SLCO3A1: variants seen among roughly 807,000 people sequenced by gnomAD.
SLCO3A1 encodes solute carrier organic anion transporter family member 3A1.
SLCO3A1 carries 27 observed loss-of-function variants against 63.1 expected under a neutral mutation model. The ratio of observed to expected loss-of-function variants is 0.43; its 90% confidence interval spans 0.32 to 0.59. SLCO3A1 has a LOEUF of 0.59. Among genes scored for constraint, SLCO3A1 ranks in the 20% least tolerant of loss-of-function variants. SLCO3A1 has a pLI of 0.09. For synonymous variants in SLCO3A1, 473 were observed against 409.9 expected, an observed-to-expected ratio of 1.15 and a Z score of -1.86; for missense variants, 773 against 945.8, an observed-to-expected ratio of 0.82 and a Z score of 2.40.
chr15:91,938,150 C>T (rs964570082), intron 2 of SLCO3A1, among the ~76,000 whole-genome samples: 1 of 152,268 alleles, frequency 6.6e-6, no homozygotes, highest in Middle Eastern at 3.4e-3. Flanking sequence ...TGCCAGTGAC[C>T]CTGCACAAGC....
intron 2 of SLCO3A1, among the ~76,000 whole-genome samples, chr15:92,051,938 G>A (rs2046962941): frequency 6.6e-6 from 1 of 152,166 alleles, no homozygotes; most frequent in Non-Finnish European, 1.5e-5. Context: ...TTGGGCAGAT[G>A]TACTGGGGAG....
At chr15:92,128,998 G>C (rs1216346394) in intron 7 of SLCO3A1, among the ~76,000 whole-genome samples, 1 of 152,194 alleles carries the variant, frequency 6.6e-6, no homozygotes, top group Non-Finnish European at 1.5e-5. Flanking sequence ...GAGGTGGGTT[G>C]CTTTTTCCTG....
chr15:92,014,926 G>A (rs565967219), intron 2 of SLCO3A1, among the ~76,000 whole-genome samples: 1 of 152,276 alleles, frequency 6.6e-6, no homozygotes, highest in African/African-American at 2.4e-5. Context: ...CTAGCTGTGA[G>A]TGTAAGTCCT....
At chr15:91,958,188 CTGTT>C (rs1900309284) in intron 2 of SLCO3A1, among the ~76,000 whole-genome samples, 2 of 152,118 alleles carry the variant, frequency 1.3e-5, no homozygotes, top group Non-Finnish European at 2.9e-5. Flanking sequence ...TATTAATTGA[CTGTT>C]TATGTTATTG....
chr15:92,165,534 T>A lies in SLCO3A1; in HGVS notation c.*2399T>A. On this transcript the variant is annotated 3_prime_UTR_variant, in exon 10 of 10. Coordinates refer to ENST00000318445, the MANE Select transcript of SLCO3A1 (RefSeq NM_013272.4). Reference sequence around the variant, plus strand: ...AAAAAAGAAAGTTTTTTAAACTCTTTGCATTTTGGATTTTTTTTCCTAAGA... The same window carrying A: ...AAAAAAGAAAGTTTTTTAAACTCTTAGCATTTTGGATTTTTTTTCCTAAGA... The A allele has an allele frequency of 1.0e-6, 1 of 984,674 alleles. No homozygotes were observed. The highest frequency in any genetic ancestry group is 1.2e-6 in the Non-Finnish European group (1 of 829,276). The allele number at this position is 984,674 out of a possible 1,614,324, so 61.0% of individuals were successfully genotyped here. A position where few individuals can be genotyped will look rare whatever the true frequency, so the allele number is the denominator to read the frequency against.
intron 7 of SLCO3A1, among the ~76,000 whole-genome samples, chr15:92,136,671 A>G (rs2048061054): frequency 1.3e-5 from 2 of 152,222 alleles, no homozygotes; most frequent in South Asian, 2.1e-4. Context: ...ATACATTTAT[A>G]TGATTCAAAA....
At chr15:91,893,934 C>T (rs1383886996) in intron 1 of SLCO3A1, among the ~76,000 whole-genome samples, 1 of 152,186 alleles carries the variant, frequency 6.6e-6, no homozygotes, top group Non-Finnish European at 1.5e-5. Context: ...GAACAGGACA[C>T]TTCTGGACAA....
chr15:92,016,473 A>G (rs1279159878), intron 2 of SLCO3A1, among the ~76,000 whole-genome samples: 1 of 152,118 alleles, frequency 6.6e-6, no homozygotes, highest in Non-Finnish European at 1.5e-5. Flanking sequence ...TTTGAAGGCT[A>G]AAGGAAGGAA....
rs1896915482 is a variant in SLCO3A1 at position 91,856,174 on chromosome 15, G to A, written c.180+2086G>A. Among the ~76,000 whole-genome samples, 1 of 151,990 alleles carries A rather than the reference G, an allele frequency of 6.6e-6. No individual in the cohort carries two copies. On this transcript the variant is annotated intron_variant, in intron 1 of 9. Transcript: ENST00000318445. This position sits in a 1 kb window ranked among gnomAD's most constrained non-coding sequence, Gnocchi z 4.9. ...GAGGAATTCGGTCCACCTGGTGGCGGCATCCTGGCACTTCTAGCCTTCGCT... is the reference window on the plus strand; with the variant it reads ...GAGGAATTCGGTCCACCTGGTGGCGACATCCTGGCACTTCTAGCCTTCGCT...
intron 2 of SLCO3A1, among the ~76,000 whole-genome samples, chr15:91,943,552 T>C (rs72751992): frequency 0.059 from 9,004 of 152,282 alleles, 375 homozygotes; most frequent in Non-Finnish European, 0.089. Context: ...ACCATAGGTG[T>C]GCAAAATGTC....
intron 2 of SLCO3A1, among the ~76,000 whole-genome samples, chr15:92,026,982 T>C (rs973964358): frequency 6.6e-6 from 1 of 151,600 alleles, no homozygotes; most frequent in Non-Finnish European, 1.5e-5. Flanking sequence ...CCCAGCTACT[T>C]GGGAGGCTGA....
At chr15:92,150,694 G>A (rs573270509) in intron 8 of SLCO3A1, among the ~76,000 whole-genome samples, 34 of 151,206 alleles carry the variant, frequency 2.2e-4, no homozygotes, top group East Asian at 1.6e-3. Flanking sequence ...TCTGTCCTTC[G>A]AATGACAAGG....
chr15:92,015,442 T>C (rs2046415138), intron 2 of SLCO3A1, among the ~76,000 whole-genome samples: 1 of 151,968 alleles, frequency 6.6e-6, no homozygotes. Context: ...ACTTCTAAAC[T>C]ATGAGATCTC....
At chr15:92,026,238 T>A (rs2151475889) in intron 2 of SLCO3A1, among the ~76,000 whole-genome samples, 1 of 152,258 alleles carries the variant, frequency 6.6e-6, no homozygotes, top group Middle Eastern at 3.4e-3. Context: ...CCTCCCAATT[T>A]GACTACTAGA....
chr15:92,091,609 C>A (rs1027284955), intron 2 of SLCO3A1, among the ~76,000 whole-genome samples: 1 of 152,152 alleles, frequency 6.6e-6, no homozygotes. Flanking sequence ...AGGCACTTCC[C>A]GATGCACGAA....
intron 2 of SLCO3A1, among the ~76,000 whole-genome samples, chr15:92,069,224 G>A (rs1261058766): frequency 2.6e-5 from 4 of 151,856 alleles, no homozygotes; most frequent in African/African-American, 9.7e-5. Context: ...GGATGCTGCT[G>A]AACATCCTAC....
At position 91,875,137 on chromosome 15, in the gene SLCO3A1, T is replaced by G. The variant is rs1267242196; in HGVS notation, c.180+21049T>G. ...ATAGATGAGTCAGTTGCTGAAATTCTGAGTAGGCTCTGACTTGGTTACCAG... is the reference window on the plus strand; with the variant it reads ...ATAGATGAGTCAGTTGCTGAAATTCGGAGTAGGCTCTGACTTGGTTACCAG... On this transcript the variant is annotated intron_variant, in intron 1 of 9. Coordinates refer to ENST00000318445, the MANE Select transcript of SLCO3A1 (RefSeq NM_013272.4). The surrounding 1 kb of genome is among the most constrained non-coding windows in gnomAD (Gnocchi z 4.5). 6.6e-6 allele frequency among the ~76,000 whole-genome samples: 1 copy of G among 152,272 alleles called. No homozygotes were observed. The highest frequency in any genetic ancestry group is 1.5e-5 in the Non-Finnish European group (1 of 68,044).
chr15:91,978,347 T>C (rs1901198333), intron 2 of SLCO3A1, among the ~76,000 whole-genome samples: 1 of 152,242 alleles, frequency 6.6e-6, no homozygotes, highest in Admixed American at 6.5e-5. Context: ...TACTCTTCAG[T>C]GAAAATGGCA....
chr15:92,089,005 TTTA>T (rs1398339737), intron 2 of SLCO3A1, among the ~76,000 whole-genome samples: 3 of 94,968 alleles, frequency 3.2e-5, no homozygotes, highest in South Asian at 3.2e-4. Flanking sequence ...TATTTATTTA[TTTA>T]TTATTTATTT....
Sources: allele counts gnomAD v4.1 joint callset (sites outside exome capture counted in the v4.1 genomes callset), GRCh38; gene constraint gnomAD v4.1.1; non-coding constraint Gnocchi (gnomAD v3.1); transcripts MANE v1.5; gene names NCBI Gene and HGNC (gene_info 2026-07-23, HGNC 2026-07-21).